The following ECT2L variants were observed in gnomAD, a reference collection of about 807,000 sequenced individuals.
The protein encoded by ECT2L is epithelial cell transforming 2 like, also known as epithelial cell-transforming sequence 2 oncogene-like.
In ECT2L, 126 loss-of-function variants were observed where a neutral mutation model predicts 122.8. The observed-to-expected ratio is 1.03, with a 90% CI of 0.89 to 1.19. The LOEUF (loss-of-function observed/expected upper bound fraction) is 1.19, where lower values mean the gene tolerates loss of function less well. Among genes scored for constraint, ECT2L ranks in the 50% most tolerant of loss-of-function variants. The pLI, the probability that ECT2L is intolerant of heterozygous loss-of-function variation, is 0.00. For synonymous variants in ECT2L, 385 were observed against 381.8 expected (o/e 1.01, Z -0.10); for missense variants, 1,012 against 1,064.1 (o/e 0.95, Z 0.68).
chr6:138,857,924 A>G (rs6899686), intron 10 of ECT2L, among the ~76,000 whole-genome samples: 47,840 of 151,922 alleles, frequency 0.31, 7,704 homozygotes, highest in Admixed American at 0.38. Flanking sequence ...AAGCAAACAC[A>G]TCCTTCTCCA....
At chr6:138,809,519 CT>C (rs202040653) in intron 1 of ECT2L, among the ~76,000 whole-genome samples, 17 of 151,472 alleles carry the variant, frequency 1.1e-4, no homozygotes, top group Admixed American at 3.9e-4. Flanking sequence ...ATAATTTTCT[CT>C]TTTTTTTTGT....
In ECT2L at chr6:138,902,814, T is replaced by C. The variant is rs1205888140; in HGVS notation, c.*187T>C. ...CTTGTGCTCACTTATGTAGAATGTATAAGTACATTTTGAGTCCAAAATTTT... is the reference window on the plus strand; with the variant it reads ...CTTGTGCTCACTTATGTAGAATGTACAAGTACATTTTGAGTCCAAAATTTT... On this transcript the variant is annotated 3_prime_UTR_variant, in exon 22 of 22. Coordinates refer to ENST00000541398, the MANE Select transcript of ECT2L (RefSeq NM_001077706.3). 5 of 629,450 alleles carry C rather than the reference T, an allele frequency of 7.9e-6. No individual in the cohort carries two copies. The highest frequency in any genetic ancestry group is 1.9e-5 in the African/African-American group (1 of 52,986). 39.0% of individuals were successfully genotyped at this position (629,450 alleles called of 1,614,324 possible). A position where few individuals can be genotyped will look rare whatever the true frequency, so the allele number is the denominator to read the frequency against.
intron 4 of ECT2L, chr6:138,823,203 C>A: frequency 6.8e-7 from 1 of 1,478,408 alleles, no homozygotes; most frequent in African/African-American, 1.5e-5. Context: ...AGTGGGAAAA[C>A]CATGCTGGAT....
intron 5 of ECT2L, among the ~76,000 whole-genome samples, chr6:138,841,551 G>A (rs1050259095): frequency 5.3e-5 from 8 of 152,170 alleles, no homozygotes; most frequent in African/African-American, 1.4e-4. Flanking sequence ...CCGTCTTAGT[G>A]GGCCCTAAAT....
At chr6:138,843,325 C>T (rs17796321) in intron 6 of ECT2L, 94 bp downstream of exon 6, 33,956 of 1,280,408 alleles carry the variant, frequency 0.027, 520 homozygotes, top group Non-Finnish European at 0.03. Flanking sequence ...CCCTGTCTTT[C>T]GGAATACTCT....
intron 13 of ECT2L, among the ~76,000 whole-genome samples, chr6:138,873,227 A>AT (rs200684263): frequency 0.017 from 2,325 of 136,012 alleles, 40 homozygotes; most frequent in African/African-American, 0.05. Context: ...TGGAAATTTG[A>AT]TTAAAAAAAA....
Position 138,865,278 on chromosome 6 carries a change from T to C in ECT2L, c.1474+100T>C, listed in dbSNP as rs1582632557. The C allele has an allele frequency of 4.2e-6, 5 of 1,183,536 alleles. No homozygotes were observed. The East Asian group carries it at 1.3e-4, about 30-fold the overall frequency. 73.3% of individuals were successfully genotyped at this position (1,183,536 alleles called of 1,614,324 possible). A position where few individuals can be genotyped will look rare whatever the true frequency, so the allele number is the denominator to read the frequency against. ...TTATGGCGCAAGTAAAATTTTACTC[T>C]TGAACATCTCCAGTAAAATTTTATC... On this transcript the variant is annotated intron_variant, in intron 12 of 21. Transcript: ENST00000541398.
intron 1 of ECT2L, among the ~76,000 whole-genome samples, chr6:138,805,404 G>A (rs973065371): frequency 1.3e-5 from 2 of 152,220 alleles, no homozygotes; most frequent in African/African-American, 2.4e-5. Flanking sequence ...TTCACCAGCT[G>A]TGTGAGAGCT....
At chr6:138,816,456 T>C (rs1475374231) in intron 4 of ECT2L, among the ~76,000 whole-genome samples, 1 of 152,174 alleles carries the variant, frequency 6.6e-6, no homozygotes, top group Non-Finnish European at 1.5e-5. Context: ...CTGTATTTCA[T>C]AGTTTCATGA....
chr6:138,824,575 C>CAAAAA (rs1174829999), intron 4 of ECT2L, among the ~76,000 whole-genome samples: 29 of 130,244 alleles, frequency 2.2e-4, no homozygotes, highest in Non-Finnish European at 2.9e-4. Flanking sequence ...AAACAAAAAA[C>CAAAAA]AAAAACAAAA....
At chr6:138,875,088 A>G (rs772487960) in intron 13 of ECT2L, among the ~76,000 whole-genome samples, 1 of 152,192 alleles carries the variant, frequency 6.6e-6, no homozygotes, top group Non-Finnish European at 1.5e-5. Context: ...CCCTGTCTCA[A>G]AACAAAACAA....
intron 10 of ECT2L, among the ~76,000 whole-genome samples, chr6:138,856,968 T>C (rs1261397586): frequency 6.6e-6 from 1 of 152,168 alleles, no homozygotes; most frequent in Non-Finnish European, 1.5e-5. Context: ...CTGAATCATA[T>C]GGGAACTCCC....
At chr6:138,839,561 G>A (rs141535295) in intron 5 of ECT2L, among the ~76,000 whole-genome samples, 3,046 of 151,774 alleles carry the variant, frequency 0.02, 97 homozygotes, top group African/African-American at 0.068. Context: ...ATGGGGTTTC[G>A]CCATGTTGGC....
At chr6:138,880,927 C>G (rs1214642172) in intron 14 of ECT2L, 30 bp from the exon 15 acceptor site, 1 of 1,594,542 alleles carries the variant, frequency 6.3e-7, no homozygotes, top group East Asian at 2.3e-5. Context: ...TTCTCCATCA[C>G]TGACTTGAGT....
At chr6:138,796,812 A>C (rs1045003985) in intron 1 of ECT2L, among the ~76,000 whole-genome samples, 3 of 152,234 alleles carry the variant, frequency 2.0e-5, no homozygotes, top group African/African-American at 7.2e-5. Context: ...TCCTGACATC[A>C]TTGGTGTTAA....
At chr6:138,893,846 G>T (rs11963762) in intron 20 of ECT2L, among the ~76,000 whole-genome samples, 1 of 152,192 alleles carries the variant, frequency 6.6e-6, no homozygotes, top group African/African-American at 2.4e-5. Context: ...TTTATCTCTA[G>T]TAATTAAGCC....
At chr6:138,878,556 A>C (rs962581720) in intron 14 of ECT2L, among the ~76,000 whole-genome samples, 10 of 152,058 alleles carry the variant, frequency 6.6e-5, no homozygotes, top group East Asian at 1.9e-4. Flanking sequence ...CAGTGATTCT[A>C]CTGCCTCAGC....
intron 6 of ECT2L, among the ~76,000 whole-genome samples, chr6:138,844,024 G>T (rs984048125): frequency 6.6e-6 from 1 of 152,152 alleles, no homozygotes; most frequent in Non-Finnish European, 1.5e-5. Context: ...GTGTGTAAAA[G>T]AAAACAGCAA....
chr6:138,836,932 T>C (rs537576408), intron 4 of ECT2L, among the ~76,000 whole-genome samples: 27 of 152,282 alleles, frequency 1.8e-4, no homozygotes, highest in African/African-American at 6.3e-4. Flanking sequence ...AGACCCATCT[T>C]ATACTTTCCT....
Sources: gnomAD v4.1 joint callset for allele counts (sites outside exome capture counted in the v4.1 genomes callset) on GRCh38, gnomAD v4.1.1 for gene constraint, MANE v1.5 for transcripts, NCBI Gene and HGNC (gene_info 2026-07-23, HGNC 2026-07-21) for gene names.